FSTL5: variants seen among roughly 807,000 people sequenced by gnomAD.
The protein encoded by FSTL5 is follistatin like 5.
Under a neutral mutation model 89.1 loss-of-function variants are expected in FSTL5, and 62 were observed. That is an observed-to-expected ratio of 0.70 (90% CI 0.57 to 0.86). The LOEUF is 0.86. Ranked by LOEUF, FSTL5 falls within the 40% of genes least tolerant of loss-of-function variation. The pLI is 0.00. For synonymous variants in FSTL5, 383 were observed against 346.2 expected (o/e 1.11, Z -1.18); for missense variants, 1,057 against 1,001.6 (o/e 1.06, Z -0.75).
chr4:161,603,489 C>T (rs1382009399), intron 7 of FSTL5, among the ~76,000 whole-genome samples: 1 of 152,060 alleles, frequency 6.6e-6, no homozygotes, highest in Non-Finnish European at 1.5e-5. Context: ...TTTCTGCCAT[C>T]CAGGAAAACA....
chr4:161,585,148 G>A (rs1733562517), intron 8 of FSTL5, among the ~76,000 whole-genome samples: 2 of 152,090 alleles, frequency 1.3e-5, no homozygotes, highest in African/African-American at 4.8e-5. Flanking sequence ...TTTCACCAGC[G>A]CTGCTCAATG....
At chr4:161,863,405 G>C (rs1731979170) in intron 4 of FSTL5, among the ~76,000 whole-genome samples, 1 of 152,094 alleles carries the variant, frequency 6.6e-6, no homozygotes, top group Non-Finnish European at 1.5e-5. Context: ...CTTTTATTCG[G>C]GTCATGGGGA....
intron 6 of FSTL5, among the ~76,000 whole-genome samples, chr4:161,747,569 G>T (rs1025072411): frequency 2.6e-5 from 4 of 152,166 alleles, no homozygotes; most frequent in African/African-American, 9.6e-5. Flanking sequence ...TTTGTAATCT[G>T]CAACTTCTGT....
At chr4:161,666,651 A>G (rs1371807370) in intron 6 of FSTL5, among the ~76,000 whole-genome samples, 3 of 152,136 alleles carry the variant, frequency 2.0e-5, no homozygotes, top group Non-Finnish European at 4.4e-5. Flanking sequence ...TATACAGGAC[A>G]GAGAAGAAAA....
chr4:161,866,525 A>G (rs925033827), intron 4 of FSTL5, among the ~76,000 whole-genome samples: 3 of 141,994 alleles, frequency 2.1e-5, no homozygotes, highest in Non-Finnish European at 4.6e-5. Context: ...ATCTTCACTC[A>G]ATTCTCCAAA....
chr4:161,912,779 G>A (rs1733732781), intron 4 of FSTL5, among the ~76,000 whole-genome samples: 1 of 152,140 alleles, frequency 6.6e-6, no homozygotes, highest in Admixed American at 6.5e-5. Flanking sequence ...AAGAAGACAG[G>A]AAAAGGTGGG....
intron 3 of FSTL5, among the ~76,000 whole-genome samples, chr4:161,946,967 T>A (rs56660360): frequency 0.033 from 5,100 of 152,288 alleles, 273 homozygotes; most frequent in African/African-American, 0.12. Flanking sequence ...ATTTTCCTGA[T>A]GAAAAATTAT....
chr4:161,692,420 T>C (rs1737973539), intron 6 of FSTL5, among the ~76,000 whole-genome samples: 1 of 152,006 alleles, frequency 6.6e-6, no homozygotes, highest in East Asian at 1.9e-4. Flanking sequence ...ATTCTTTTAC[T>C]TGTATCGCCT....
intron 7 of FSTL5, among the ~76,000 whole-genome samples, chr4:161,615,563 A>G (rs923615118): frequency 6.6e-6 from 1 of 152,002 alleles, no homozygotes; most frequent in Admixed American, 6.6e-5. Flanking sequence ...GTACACGCAC[A>G]CACACACAAA....
intron 7 of FSTL5, among the ~76,000 whole-genome samples, chr4:161,638,035 A>G (rs1735789929): frequency 6.6e-6 from 1 of 151,990 alleles, no homozygotes; most frequent in Non-Finnish European, 1.5e-5. Context: ...ATGGCATTGA[A>G]TCTGTAAATT....
intron 15 of FSTL5, among the ~76,000 whole-genome samples, chr4:161,444,328 A>C (rs528766091): frequency 7.2e-5 from 11 of 151,896 alleles, no homozygotes; most frequent in African/African-American, 2.7e-4. Flanking sequence ...TACTGACACA[A>C]CACTATATTT....
At chr4:162,074,834 C>G (rs1232487879) in intron 2 of FSTL5, among the ~76,000 whole-genome samples, 1 of 151,526 alleles carries the variant, frequency 6.6e-6, no homozygotes, top group Non-Finnish European at 1.5e-5. Context: ...GTATTTAATA[C>G]CGAACACTTA....
chr4:161,823,027 C>G (rs1261284264), intron 4 of FSTL5, among the ~76,000 whole-genome samples: 1 of 152,180 alleles, frequency 6.6e-6, no homozygotes, highest in Non-Finnish European at 1.5e-5. Context: ...TAGCTCCTTT[C>G]CACAGCTGGT....
chr4:162,120,793 G>GA (rs1195228617), intron 1 of FSTL5, among the ~76,000 whole-genome samples: 1 of 151,782 alleles, frequency 6.6e-6, no homozygotes, highest in South Asian at 2.1e-4. Flanking sequence ...ACTATGGAAA[G>GA]AAAAAACACA....
intron 12 of FSTL5, among the ~76,000 whole-genome samples, chr4:161,497,016 A>G (rs1730110432): frequency 6.6e-6 from 1 of 152,206 alleles, no homozygotes; most frequent in Non-Finnish European, 1.5e-5. Context: ...TATATTATTA[A>G]GAGAATGTAG....
At chr4:161,764,305 C>G (rs1740911071) in intron 5 of FSTL5, among the ~76,000 whole-genome samples, 1 of 152,184 alleles carries the variant, frequency 6.6e-6, no homozygotes, top group South Asian at 2.1e-4. Context: ...GTTGTCCAGG[C>G]TGGAATGCAG....
At chr4:161,701,678 T>C (rs1579032818) in intron 6 of FSTL5, among the ~76,000 whole-genome samples, 1 of 152,074 alleles carries the variant, frequency 6.6e-6, no homozygotes, top group Non-Finnish European at 1.5e-5. Flanking sequence ...TCTAAGCAAA[T>C]GCTCCTTGCT....
intron 14 of FSTL5, among the ~76,000 whole-genome samples, chr4:161,458,810 A>C (rs1032136988): frequency 6.6e-6 from 1 of 152,232 alleles, no homozygotes; most frequent in African/African-American, 2.4e-5. Context: ...TTTAGAAATA[A>C]GCCTCTCCTC....
intron 6 of FSTL5, among the ~76,000 whole-genome samples, chr4:161,708,568 C>A (rs2126737265): frequency 6.6e-6 from 1 of 152,144 alleles, no homozygotes; most frequent in African/African-American, 2.4e-5. Context: ...TTAGCGCCTT[C>A]AGTCTTTACT....
Sources: allele counts gnomAD v4.1 joint callset (sites outside exome capture counted in the v4.1 genomes callset), GRCh38; gene constraint gnomAD v4.1.1; transcripts MANE v1.5; gene names NCBI Gene and HGNC (gene_info 2026-07-23, HGNC 2026-07-21).